Variants in ATP6V0C observed in about 807,000 individuals in gnomAD.
ATP6V0C encodes ATPase H+ transporting V0 subunit c, also known as V-type proton ATPase 16 kDa proteolipid subunit c.
In ATP6V0C, 2 loss-of-function variants were observed where a neutral mutation model predicts 10.6. The observed-to-expected ratio is 0.19, with a 90% CI of 0.08 to 0.59. The LOEUF (loss-of-function observed/expected upper bound fraction) is 0.59. ATP6V0C is among the 20% of genes least tolerant of loss of function. The pLI, the probability that ATP6V0C is intolerant of heterozygous loss-of-function variation, is 0.90. For missense variants in ATP6V0C, 89 were observed against 225.9 expected, an observed-to-expected ratio of 0.39 and a Z score of 3.88; for synonymous variants, 128 against 101.3, an observed-to-expected ratio of 1.26 and a Z score of -1.59.
rs2065898584 is a variant in ATP6V0C, at chr16:2,519,667, C to T, written c.390C>T (p.Gly130=). 1 of 1,612,402 alleles carries T rather than the reference C, an allele frequency of 6.2e-7. No homozygotes were observed. The highest frequency in any genetic ancestry group is 8.5e-7 in the Non-Finnish European group (1 of 1,178,670). ...GTAQQPRLFV[G]MILILIFAEV... The stretch of plus-strand genomic sequence containing the variant: ...CCCAGCAGCCCCGACTATTCGTGGG[C>T]ATGATCCTGATTCTCATCTTCGCCG... Residue 130 remains glycine, a synonymous_variant, in exon 3 of 3, where the codon GGC becomes GGT. Transcript: ENST00000330398.
Position 2,518,589 on chromosome 16 carries a change from C to T in ATP6V0C, c.80-629C>T, listed in dbSNP as rs538571245. Among the ~76,000 whole-genome samples the T allele has an allele frequency of 3.3e-5, 5 of 152,340 alleles. No homozygotes were observed. The South Asian group carries it at 6.2e-4, about 19-fold the overall frequency. ...TCTCCAATCTGTCAAGGGTTCAGGC[C>T]TGCTGTGTGGCTGAGGGTGCTGAGA... On this transcript the variant is annotated intron_variant, in intron 1 of 2. Coordinates refer to ENST00000330398, the MANE Select transcript of ATP6V0C (RefSeq NM_001694.4).
At chr16:2,516,598 C>T (rs1211527943) in intron 1 of ATP6V0C, 2 of 152,462 alleles carry the variant, frequency 1.3e-5, no homozygotes, top group South Asian at 2.0e-4. Flanking sequence ...GGTCTTAAAC[C>T]GAATGAGGTC....
In ATP6V0C at chr16:2,520,063, G is replaced by T; in HGVS notation, c.*318G>T. On this transcript the variant is annotated 3_prime_UTR_variant, in exon 3 of 3. Transcript: ENST00000330398. ...TTATAAAGATCTGGCCTGTTCCTGC[G>T]TCTGCGGAGCGGCCCTTGTCTCCCA... is the stretch of plus-strand genomic sequence containing the variant. The T allele has an allele frequency of 1.6e-6, 1 of 631,126 alleles. No homozygotes were observed. The highest frequency in any genetic ancestry group is 2.9e-6 in the Non-Finnish European group (1 of 340,886). 39.1% of individuals were successfully genotyped at this position (631,126 alleles called of 1,614,324 possible).
chr16:2,519,689 G>A lies in ATP6V0C; in HGVS notation c.412G>A (p.Ala138Thr). ...FVGMILILIF[A>T]EVLGLYGLIV... ...GGGCATGATCCTGATTCTCATCTTC[G>A]CCGAGGTGCTCGGCCTCTACGGTCT... Residue 138 changes from alanine to threonine, a missense_variant, in exon 3 of 3, where the codon GCC (alanine) becomes ACC (threonine). Ala to Thr is a moderately conservative substitution (Grantham distance 58). Transcript: ENST00000330398. 1 of 1,612,046 alleles carries A rather than the reference G, an allele frequency of 6.2e-7. No individual in the cohort carries two copies. The highest frequency in any genetic ancestry group is 8.5e-7 in the Non-Finnish European group (1 of 1,178,362).
rs2065863031 is a variant in ATP6V0C at position 2,513,968 on chromosome 16, A to G, written c.-136A>G. ...CGCCATTTTGTTCTGCGGTGCTGGT[A>G]TTTAGAGCGCAGCGGCTGACGGGCC... On this transcript the variant is annotated 5_prime_UTR_variant, in exon 1 of 3. Coordinates refer to ENST00000330398, the MANE Select transcript of ATP6V0C (RefSeq NM_001694.4). The G allele has an allele frequency of 9.5e-6, 7 of 739,132 alleles. No individual in the cohort carries two copies. The highest frequency in any genetic ancestry group is 1.5e-5 in the Non-Finnish European group (7 of 465,488). 45.8% of individuals were successfully genotyped at this position (739,132 alleles called of 1,614,324 possible). A position where few individuals can be genotyped will look rare whatever the true frequency, so the allele number is the denominator to read the frequency against.
chr16:2,514,501 G>A (rs1458351479), intron 1 of ATP6V0C: 1 of 156,584 alleles, frequency 6.4e-6, no homozygotes, highest in Non-Finnish European at 1.4e-5. Context: ...AGCGGCGAGA[G>A]GGAGGCTGGG....
intron 1 of ATP6V0C, chr16:2,518,080 A>T (rs2065886099): frequency 6.6e-6 from 1 of 152,318 alleles, no homozygotes; most frequent in Non-Finnish European, 1.5e-5. Context: ...CAGGCTGGTT[A>T]TTGATCTGCT....
intron 1 of ATP6V0C, 110 bp downstream of exon 1, chr16:2,514,292 C>A: frequency 8.4e-7 from 1 of 1,187,192 alleles, no homozygotes; most frequent in Non-Finnish European, 1.1e-6. Flanking sequence ...CCCGAGCTGT[C>A]GGGGGCGCCC....
chr16:2,519,349 G>C lies in ATP6V0C; in HGVS notation c.211G>C (p.Val71Leu). The stretch of plus-strand genomic sequence containing the variant: ...TGGCATCATCGCCATCTACGGCCTG[G>C]TGGTGGCAGTCCTCATCGCCAACTC... ...MAGIIAIYGLVVAVLIANSLN... is the reference protein window; with the variant it reads ...MAGIIAIYGLLVAVLIANSLN... The change falls in exon 2 of 3, where the codon GTG (valine) becomes CTG (leucine). Residue 71 changes from valine to leucine, a missense_variant. Physicochemically the swap from Val to Leu is conservative, Grantham distance 32. Around this residue, in one of 4 missense-constraint regions of ATP6V0C, gnomAD observed 18 missense variants for 79.5 expected, o/e 0.23. Coordinates refer to ENST00000330398, the MANE Select transcript of ATP6V0C (RefSeq NM_001694.4). The C allele has an allele frequency of 6.2e-7, 1 of 1,614,164 alleles. No individual in the cohort carries two copies. The highest frequency in any genetic ancestry group is 8.5e-7 in the Non-Finnish European group (1 of 1,179,978).
intron 1 of ATP6V0C, among the ~76,000 whole-genome samples, chr16:2,515,675 CAG>C (rs975770357): frequency 1.3e-5 from 2 of 152,148 alleles, no homozygotes; most frequent in African/African-American, 2.4e-5. Context: ...TCTTTGCCCT[CAG>C]AATGCCTTCA....
Position 2,520,084 on chromosome 16 carries a change from T to G in ATP6V0C, c.*339T>G. On this transcript the variant is annotated 3_prime_UTR_variant, in exon 3 of 3. Transcript: ENST00000330398. The stretch of plus-strand genomic sequence containing the variant: ...CTGCGTCTGCGGAGCGGCCCTTGTC[T>G]CCCAGCTATCTATAACCTTAGCTAG... The G allele has an allele frequency of 1.6e-6, 1 of 615,682 alleles. No individual in the cohort carries two copies. Among genetic ancestry groups the G allele is most frequent in the Admixed American group, 2.1e-5 (1 of 47,144 alleles). The allele number at this position is 615,682 out of a possible 1,614,324, so 38.1% of individuals were successfully genotyped here.
rs752447325 is a variant in ATP6V0C, at chr16:2,519,756, A to G, written c.*11A>G. ...CTCTCCACAAAGTAGACCCTCTCCGAGCCCACCAGCCACAGAATATTATGT... is the reference window on the plus strand; with the variant it reads ...CTCTCCACAAAGTAGACCCTCTCCGGGCCCACCAGCCACAGAATATTATGT... On this transcript the variant is annotated 3_prime_UTR_variant, in exon 3 of 3. Coordinates refer to ENST00000330398, the MANE Select transcript of ATP6V0C (RefSeq NM_001694.4). 6.3e-7 allele frequency: 1 copy of G among 1,586,938 alleles called. No individual in the cohort carries two copies. The highest frequency in any genetic ancestry group is 1.1e-5 in the South Asian group (1 of 89,744).
chr16:2,515,464 C>T (rs994474217), intron 1 of ATP6V0C, among the ~76,000 whole-genome samples: 1 of 152,096 alleles, frequency 6.6e-6, no homozygotes, highest in African/African-American at 2.4e-5. Context: ...GCTCTCTGTT[C>T]TCTTGCGGGC....
chr16:2,519,094 C>T (rs911681897), intron 1 of ATP6V0C, 124 bp from the exon 2 acceptor site: 34 of 1,182,354 alleles, frequency 2.9e-5, no homozygotes, highest in South Asian at 2.7e-4. Flanking sequence ...ATGCCTTCTT[C>T]GGCTCCCCCT....
intron 1 of ATP6V0C, among the ~76,000 whole-genome samples, chr16:2,516,096 GCTT>G (rs1309162220): frequency 6.9e-6 from 1 of 144,402 alleles, no homozygotes; most frequent in African/African-American, 2.6e-5. Flanking sequence ...TCAGACAACT[GCTT>G]TTTTTTTTTT....
intron 1 of ATP6V0C, 181 bp from the exon 2 acceptor site, chr16:2,519,037 T>C: frequency 1.6e-6 from 1 of 633,168 alleles, no homozygotes; most frequent in Non-Finnish European, 2.6e-6. Flanking sequence ...TGGCCTCCTT[T>C]TGCTTGCCCG....
chr16:2,515,977 G>A (rs1289078523), intron 1 of ATP6V0C, among the ~76,000 whole-genome samples: 1 of 152,088 alleles, frequency 6.6e-6, no homozygotes, highest in African/African-American at 2.4e-5. Flanking sequence ...TGGAAATTGA[G>A]AACACGGTAT....
At chr16:2,519,131 T>C in intron 1 of ATP6V0C, 87 bp from the exon 2 acceptor site, 1 of 1,417,266 alleles carries the variant, frequency 7.1e-7, no homozygotes, top group Non-Finnish European at 9.4e-7. Context: ...GGGGTGGCCC[T>C]TGGAGCTGTG....
chr16:2,519,950 C>G lies in ATP6V0C; in HGVS notation c.*205C>G. The G allele has an allele frequency of 1.3e-6, 1 of 752,776 alleles. No individual in the cohort carries two copies. The highest frequency in any genetic ancestry group is 2.3e-6 in the Non-Finnish European group (1 of 434,284). The allele number at this position is 752,776 out of a possible 1,614,324, so 46.6% of individuals were successfully genotyped here. A position where few individuals can be genotyped will look rare whatever the true frequency, so the allele number is the denominator to read the frequency against. On this transcript the variant is annotated 3_prime_UTR_variant, in exon 3 of 3. Transcript: ENST00000330398. ...GTGGACATCTGGGCCCACTCATCGC[C>G]CCTCCAGGCCCCCGGCGCCCCACCC...
Sources: allele counts gnomAD v4.1 joint callset (sites outside exome capture counted in the v4.1 genomes callset), GRCh38; gene constraint gnomAD v4.1.1; regional missense constraint gnomAD v4.1.1; transcripts MANE v1.5; gene names NCBI Gene and HGNC (gene_info 2026-07-23, HGNC 2026-07-21).